Variants in SART3 observed in about 807,000 individuals in gnomAD.
SART3 encodes the protein HIV-1 Tat-interacting protein of 110kDa.
A neutral mutation model predicts 122.3 loss-of-function variants in SART3; 44 were observed. The ratio of observed to expected loss-of-function variants is 0.36; its 90% CI spans 0.28 to 0.46. The LOEUF (loss-of-function observed/expected upper bound fraction) is 0.46. SART3 is among the 20% of genes least tolerant of loss of function. The pLI, the probability that SART3 is intolerant of heterozygous loss-of-function variation, is 1.00. For synonymous variants in SART3, 442 were observed against 454.0 expected, an observed-to-expected ratio of 0.97 and a Z score of 0.34; for missense variants, 1,101 against 1,229.0, an observed-to-expected ratio of 0.90 and a Z score of 1.56.
chr12:108,526,304 A>C lies in SART3; in HGVS notation c.2165T>G (p.Leu722Arg). The C allele has an allele frequency of 6.2e-7, 1 of 1,614,162 alleles. No homozygotes were observed. Among genetic ancestry groups the C allele is most frequent in the Non-Finnish European group, 8.5e-7 (1 of 1,180,018 alleles). Reference protein sequence around the residue: ...PYSMQEPDTKLRPLFEACGEV... With the variant: ...PYSMQEPDTKRRPLFEACGEV... ...CCCACAGGCCTCGAAGAGTGGCCTGAGCTTCGTGTCCGGCTCCTGCATGCT... is the reference window on the plus strand; with the variant it reads ...CCCACAGGCCTCGAAGAGTGGCCTGCGCTTCGTGTCCGGCTCCTGCATGCT... The change falls in exon 16 of 19, where the codon CTC becomes CGC. Residue 722 changes from leucine to arginine, a missense_variant. Around this residue, in one of 2 missense-constraint regions of SART3, gnomAD observed 885 missense variants for 1,080.1 expected, o/e 0.82. Transcript: ENST00000546815.
rs1443376332 is a variant in SART3, at chr12:108,526,239, C to T, written c.2230G>A (p.Asp744Asn). The T allele has an allele frequency of 1.2e-6, 2 of 1,614,182 alleles. No individual in the cohort carries two copies. Among genetic ancestry groups the T allele is most frequent in the African/African-American group, 1.3e-5 (1 of 75,038 alleles). ...QIRPIFSNRGDFRGYCYVEFK... is the reference protein window; with the variant it reads ...QIRPIFSNRGNFRGYCYVEFK... The stretch of plus-strand genomic sequence containing the variant: ...TCCACGTAGCAGTAACCTCGGAAAT[C>T]CCCACGGTTGCTGAAGATGGGTCGG... The change falls in exon 16 of 19, where the codon GAT becomes AAT. Residue 744 changes from aspartate to asparagine, a missense_variant. Physicochemically the swap from Asp to Asn is conservative, Grantham distance 23. This residue lies in a region of SART3 where 885 missense variants were observed against 1,080.1 expected (regional missense o/e 0.82). Transcript: ENST00000546815.
At chr12:108,535,708 G>T in intron 11 of SART3, 1 of 525,506 alleles carries the variant, frequency 1.9e-6, no homozygotes, top group Non-Finnish European at 3.5e-6. Flanking sequence ...GGGAGCGCAC[G>T]GTACTTACTC....
chr12:108,560,457 T>TC lies in SART3; in HGVS notation c.312+385dup, dbSNP rs576432787. On this transcript the variant is annotated intron_variant, in intron 1 of 18. Transcript: ENST00000546815. ...TCATTCCTACATAACAAAATAACAC[T>TC]CTCTTGCGAATGAGTTTATTTCTAC... The TC allele has an allele frequency of 4.3e-4, 153 of 355,316 alleles. 3 individuals carry two copies. In the South Asian group the frequency reaches 0.02, roughly 46 times the overall value. The allele number at this position is 355,316 out of a possible 1,614,324, so 22.0% of individuals were successfully genotyped here.
chr12:108,526,618 G>A, intron 15 of SART3, 65 bp from the exon 16 acceptor site: 2 of 1,548,268 alleles, frequency 1.3e-6, no homozygotes, highest in South Asian at 2.2e-5. Flanking sequence ...AGCTTGAACA[G>A]AGGTGTGAAG....
intron 10 of SART3, 43 bp from the exon 11 acceptor site, chr12:108,536,615 CAGAT>C (rs775595546): frequency 5.8e-5 from 94 of 1,611,278 alleles, no homozygotes; most frequent in Middle Eastern, 1.6e-4. Context: ...AACTTGGAGA[CAGAT>C]AGTCGCTGGC....
chr12:108,542,768 A>C, intron 6 of SART3: 1 of 556,166 alleles, frequency 1.8e-6, no homozygotes. Context: ...GAAAGTGATT[A>C]CCTCTCGGGA....
At chr12:108,527,878 G>A (rs1224172148) in intron 15 of SART3, among the ~76,000 whole-genome samples, 1 of 152,014 alleles carries the variant, frequency 6.6e-6, no homozygotes, top group Non-Finnish European at 1.5e-5. Flanking sequence ...TAATTCTCCT[G>A]TCTCAGCCTC....
chr12:108,534,075 T>C (rs1247154155), intron 12 of SART3, among the ~76,000 whole-genome samples: 1 of 152,176 alleles, frequency 6.6e-6, no homozygotes, highest in Non-Finnish European at 1.5e-5. Context: ...CAAATAAATA[T>C]ATTTGCAAAA....
chr12:108,538,911 T>G, intron 7 of SART3, 23 bp downstream of exon 7: 8 of 1,613,884 alleles, frequency 5.0e-6, no homozygotes, highest in Non-Finnish European at 6.8e-6. Context: ...AAAAATAAAA[T>G]GAAATTAGAA....
intron 18 of SART3, chr12:108,523,968 G>A: frequency 1.8e-6 from 1 of 552,834 alleles, no homozygotes; most frequent in Non-Finnish European, 3.2e-6. Flanking sequence ...AGCTTATGTG[G>A]ATCATAGCTA....
chr12:108,541,669 G>T (rs1366351870), intron 6 of SART3, among the ~76,000 whole-genome samples: 1 of 151,844 alleles, frequency 6.6e-6, no homozygotes, highest in Admixed American at 6.6e-5. Flanking sequence ...CTCCCAAACA[G>T]CTGGGATTAC....
At position 108,526,224 on chromosome 12, in the gene SART3, A is replaced by C; in HGVS notation, c.2245T>G (p.Cys749Gly). The C allele has an allele frequency of 6.2e-7, 1 of 1,614,208 alleles. No homozygotes were observed. The highest frequency in any genetic ancestry group is 8.5e-7 in the Non-Finnish European group (1 of 1,180,034). ...FSNRGDFRGY[C>G]YVEFKEEKSA... ...TTCTCTTCTTTAAACTCCACGTAGC[A>C]GTAACCTCGGAAATCCCCACGGTTG... is the stretch of plus-strand genomic sequence containing the variant. Residue 749 changes from cysteine (C) to glycine (G), a missense_variant, in exon 16 of 19, where the codon TGC becomes GGC. Transcript: ENST00000546815.
Position 108,530,172 on chromosome 12 carries a change from C to T in SART3, c.1885G>A (p.Asp629Asn), listed in dbSNP as rs779946782. 2.4e-5 allele frequency: 38 copies of T among 1,614,054 alleles called. No homozygotes were observed. Among genetic ancestry groups the T allele is most frequent in the Non-Finnish European group, 3.0e-5 (35 of 1,180,034 alleles). ...GPEKRGADED[D>N]EKEWGDDEEE... ...TCATCATCGCCCCACTCTTTCTCATCATCCTCATCTGCTCCGCGCTTCTCT... is the reference window on the plus strand; with the variant it reads ...TCATCATCGCCCCACTCTTTCTCATTATCCTCATCTGCTCCGCGCTTCTCT... The change falls in exon 15 of 19, where the codon GAT (aspartate) becomes AAT (asparagine). Residue 629 changes from aspartate (D) to asparagine (N), a missense_variant. Transcript: ENST00000546815.
At chr12:108,537,380 T>C (rs575980145) in intron 9 of SART3, 108 bp downstream of exon 9, 4 of 807,502 alleles carry the variant, frequency 5.0e-6, no homozygotes, top group Non-Finnish European at 8.6e-6. Context: ...CAATACCTAG[T>C]CTACATCATT....
intron 6 of SART3, 24 bp from the exon 7 acceptor site, chr12:108,539,113 G>T: frequency 5.6e-6 from 9 of 1,613,750 alleles, no homozygotes; most frequent in Non-Finnish European, 7.6e-6. Flanking sequence ...AAATTGTATT[G>T]AATTTAGTTA....
At chr12:108,547,844 T>G in intron 3 of SART3, 43 bp downstream of exon 3, 1 of 1,406,464 alleles carries the variant, frequency 7.1e-7, no homozygotes, top group Non-Finnish European at 1.0e-6. Flanking sequence ...GACTGATATA[T>G]ATGACATTGC....
chr12:108,542,838 T>G, intron 6 of SART3, 190 bp downstream of exon 6: 1 of 791,014 alleles, frequency 1.3e-6, no homozygotes, highest in Non-Finnish European at 2.1e-6. Context: ...ACTGGCAATG[T>G]TCTATTTCTT....
At chr12:108,539,195 C>T in intron 6 of SART3, 106 bp from the exon 7 acceptor site, 1 of 1,141,110 alleles carries the variant, frequency 8.8e-7, no homozygotes, top group Non-Finnish European at 1.3e-6. Context: ...CTATGAATCG[C>T]CAAATCCTCA....
At chr12:108,537,068 G>T in intron 9 of SART3, 1 of 483,954 alleles carries the variant, frequency 2.1e-6, no homozygotes. Context: ...AATGGCTAAA[G>T]GCTACCTGTA....
Sources: allele counts gnomAD v4.1 joint callset (sites outside exome capture counted in the v4.1 genomes callset), GRCh38; gene constraint gnomAD v4.1.1; regional missense constraint gnomAD v4.1.1; transcripts MANE v1.5; gene names NCBI Gene and HGNC (gene_info 2026-07-23, HGNC 2026-07-21).